ACSM3: variants seen among roughly 807,000 people sequenced by gnomAD.
The protein encoded by ACSM3 is acyl-CoA synthetase medium chain family member 3, also known as acyl-coenzyme A synthetase ACSM3, mitochondrial.
A neutral mutation model predicts 74.1 loss-of-function variants in ACSM3; 61 were observed. That is an observed-to-expected ratio of 0.82 (90% confidence interval 0.67 to 1.02). The LOEUF is 1.02. Ranked by LOEUF, ACSM3 falls within the 50% of genes least tolerant of loss-of-function variation. The pLI, the probability that ACSM3 is intolerant of heterozygous loss-of-function variation, is 0.00. For missense variants in ACSM3, 660 were observed against 697.0 expected, an observed-to-expected ratio of 0.95 and a Z score of 0.60; for synonymous variants, 213 against 241.5, an observed-to-expected ratio of 0.88 and a Z score of 1.09.
In ACSM3 at chr16:20,787,895, G is replaced by C. The variant is rs193007181; in HGVS notation, c.1224+1737G>C. 1.2e-3 allele frequency among the ~76,000 whole-genome samples: 184 copies of C among 152,294 alleles called. 1 individual carries two copies. The highest frequency in any genetic ancestry group is 4.3e-3 in the African/African-American group (179 of 41,538). On this transcript the variant is annotated intron_variant, in intron 9 of 13. Transcript: ENST00000289416. The stretch of plus-strand genomic sequence containing the variant: ...TTTAGCACTTAAGGCAATACATCCT[G>C]AAGAACCACCCCCCGACAACCCCTC...
intron 1 of ACSM3, among the ~76,000 whole-genome samples, chr16:20,677,302 G>A (rs969265115): frequency 6.6e-6 from 1 of 151,514 alleles, no homozygotes; most frequent in Non-Finnish European, 1.5e-5. Context: ...TTATCTTCTT[G>A]TATGCCCATA....
rs776896545 is a variant in ACSM3, at chr16:20,780,964, G to A, written c.783-10G>A. The A allele has an allele frequency of 6.2e-7, 1 of 1,613,992 alleles. No homozygotes were observed. The highest frequency in any genetic ancestry group is 8.5e-7 in the Non-Finnish European group (1 of 1,179,968). ...CCTATGTACATCAGGGCTACTCTTT[G>A]TTTTCCCAGGTTCTGGCTAGATTTG... On this transcript the variant is annotated splice_polypyrimidine_tract_variant and intron_variant, in intron 5 of 13. Transcript: ENST00000289416.
Position 20,725,745 on chromosome 16 carries a change from G to T in ACSM3, c.-189-24165G>T, listed in dbSNP as rs899112879. 4.6e-5 allele frequency among the ~76,000 whole-genome samples: 7 copies of T among 152,282 alleles called. No homozygotes were observed. The East Asian group carries it at 1.4e-3, about 29-fold the overall frequency. Reference sequence around the variant, plus strand: ...CCCGACACTTTGGAAGCTGAGGCGGGCAGATCACCTGAGGTCAGGAGTTCA... The same window carrying T: ...CCCGACACTTTGGAAGCTGAGGCGGTCAGATCACCTGAGGTCAGGAGTTCA... On this transcript the variant is annotated intron_variant, in intron 1 of 3. Coordinates refer to the ACSM3 transcript ENST00000561584.
intron 4 of ACSM3, 107 bp from the exon 5 acceptor site, chr16:20,780,607 A>G (rs1404647309): frequency 4.4e-6 from 7 of 1,607,026 alleles, no homozygotes; most frequent in Non-Finnish European, 6.0e-6. Context: ...CTGGCACCTG[A>G]TTCATGACAT....
At chr16:20,729,385 C>T in intron 1 of ACSM3, 2 of 1,219,442 alleles carry the variant, frequency 1.6e-6, no homozygotes, top group South Asian at 2.4e-5. Context: ...TCTTAAGAGG[C>T]AAGGATTGAC....
chr16:20,677,322 G>A (rs1034942057), intron 1 of ACSM3, among the ~76,000 whole-genome samples: 2 of 152,070 alleles, frequency 1.3e-5, no homozygotes, highest in Non-Finnish European at 2.9e-5. Context: ...AAGTGAAAGG[G>A]AGGCCATGAA....
intron 1 of ACSM3, among the ~76,000 whole-genome samples, chr16:20,717,874 GAGA>G (rs1043907846): frequency 8.7e-5 from 13 of 149,510 alleles, no homozygotes; most frequent in South Asian, 8.5e-4. Context: ...GGAGAAGAAG[GAGA>G]AGGAGAAGGG....
chr16:20,722,686 C>A (rs1231473372), intron 1 of ACSM3, among the ~76,000 whole-genome samples: 1 of 152,126 alleles, frequency 6.6e-6, no homozygotes, highest in South Asian at 2.1e-4. Context: ...CAAGAGGTTA[C>A]AAGATTCCAC....
intron 1 of ACSM3, among the ~76,000 whole-genome samples, chr16:20,708,040 C>T (rs1378355896): frequency 6.6e-6 from 1 of 152,228 alleles, no homozygotes; most frequent in Admixed American, 6.5e-5. Flanking sequence ...GTGGTTCATG[C>T]CTGTAATCCC....
At chr16:20,717,098 C>T (rs1386934486) in intron 1 of ACSM3, among the ~76,000 whole-genome samples, 3 of 152,184 alleles carry the variant, frequency 2.0e-5, no homozygotes, top group African/African-American at 4.8e-5. Context: ...ATCTTCCTAA[C>T]GTGCTACCCT....
rs151256437 is a variant in ACSM3, at chr16:20,786,982, C to T, written c.1224+824C>T. Among the ~76,000 whole-genome samples, 225 of 152,284 alleles carry T rather than the reference C, an allele frequency of 1.5e-3. 1 individual carries two copies. The highest frequency in any genetic ancestry group is 2.9e-3 in the Admixed American group (44 of 15,292). On this transcript the variant is annotated intron_variant, in intron 9 of 13. Transcript: ENST00000289416. ...GCTGCAGCACTTTCCCTCTCTGCTC[C>T]CAAGCCTGCCTGGCCATTTCCAGCC...
At chr16:20,737,868 G>A in intron 1 of ACSM3, 1 of 1,613,818 alleles carries the variant, frequency 6.2e-7, no homozygotes, top group Non-Finnish European at 8.5e-7. Flanking sequence ...ATGTGCCTGA[G>A]ATGGGTAACA....
intron 9 of ACSM3, 46 bp downstream of exon 9, chr16:20,786,204 A>G: frequency 6.3e-7 from 1 of 1,597,624 alleles, no homozygotes; most frequent in Non-Finnish European, 8.5e-7. Context: ...CCCAATCTGT[A>G]CACTACCTAC....
chr16:20,794,408 A>G (rs1596543166), intron 12 of ACSM3, among the ~76,000 whole-genome samples: 1 of 152,194 alleles, frequency 6.6e-6, no homozygotes, highest in South Asian at 2.1e-4. Flanking sequence ...CTATATTTGC[A>G]CCATCCAATG....
intron 1 of ACSM3, among the ~76,000 whole-genome samples, chr16:20,726,359 G>A (rs935720781): frequency 2.6e-5 from 4 of 152,198 alleles, no homozygotes; most frequent in Non-Finnish European, 5.9e-5. Flanking sequence ...AAGAAGTGCA[G>A]GCTTGTCCAT....
chr16:20,717,937 G>A (rs12928239), intron 1 of ACSM3, among the ~76,000 whole-genome samples: 5,073 of 90,934 alleles, frequency 0.056, 256 homozygotes, highest in East Asian at 0.11. Context: ...GAAGGAGAAG[G>A]AGAAGAGGAA....
intron 2 of ACSM3, among the ~76,000 whole-genome samples, chr16:20,753,341 G>A (rs1039372947): frequency 6.6e-6 from 1 of 151,544 alleles, no homozygotes; most frequent in Admixed American, 6.6e-5. Context: ...GCACATGCCT[G>A]TAATCCCAGC....
intron 4 of ACSM3, chr16:20,780,494 A>C: frequency 1.2e-6 from 1 of 834,112 alleles, no homozygotes; most frequent in Non-Finnish European, 1.8e-6. Context: ...GAAAGCAGCT[A>C]TTATAAATGG....
At chr16:20,775,739 T>A in intron 2 of ACSM3, 100 bp from the exon 3 acceptor site, 3 of 1,187,638 alleles carry the variant, frequency 2.5e-6, no homozygotes, top group South Asian at 1.3e-5. Flanking sequence ...AACTAATGAC[T>A]TGCGAACTTT....
Sources: allele counts gnomAD v4.1 joint callset (sites outside exome capture counted in the v4.1 genomes callset), GRCh38; gene constraint gnomAD v4.1.1; transcripts MANE v1.5; gene names NCBI Gene and HGNC (gene_info 2026-07-23, HGNC 2026-07-21).